SLC24A4: variants seen among roughly 807,000 people sequenced by gnomAD.
The protein encoded by SLC24A4 is sodium/potassium/calcium exchanger 4.
A neutral mutation model predicts 79.0 loss-of-function variants in SLC24A4; 53 were observed. The observed-to-expected ratio is 0.67, with a 90% confidence interval of 0.54 to 0.84. The LOEUF is 0.84. SLC24A4 is among the 40% of genes least tolerant of loss of function. The pLI, the probability that SLC24A4 is intolerant of heterozygous loss-of-function variation, is 0.00. For synonymous variants in SLC24A4, 323 were observed against 323.8 expected (o/e 1.00, Z 0.03); for missense variants, 731 against 822.0 (o/e 0.89, Z 1.35).
intron 12 of SLC24A4, among the ~76,000 whole-genome samples, chr14:92,465,793 G>A (rs1401340425): frequency 6.6e-6 from 1 of 151,974 alleles, no homozygotes; most frequent in Non-Finnish European, 1.5e-5. Context: ...TGCTGCCAGG[G>A]AGGCGTCTCT....
chr14:92,431,638 CA>C (rs777755422), intron 2 of SLC24A4, among the ~76,000 whole-genome samples: 2 of 152,214 alleles, frequency 1.3e-5, no homozygotes, highest in South Asian at 4.1e-4. Context: ...CATGCCAGGG[CA>C]TGCCGCACAT....
chr14:92,464,917 G>A (rs7401792), intron 12 of SLC24A4, among the ~76,000 whole-genome samples: 78,237 of 152,014 alleles, frequency 0.51, 22,587 homozygotes, highest in Non-Finnish European at 0.65. Context: ...GCGAAGGAGG[G>A]CAAGGCCCCA....
intron 2 of SLC24A4, among the ~76,000 whole-genome samples, chr14:92,411,558 C>T (rs1890715802): frequency 6.6e-6 from 1 of 152,216 alleles, no homozygotes; most frequent in Non-Finnish European, 1.5e-5. Context: ...TCGGCCAGAG[C>T]TGTCTTGGTT....
chr14:92,424,084 G>A (rs920395475), intron 2 of SLC24A4, among the ~76,000 whole-genome samples: 3 of 152,040 alleles, frequency 2.0e-5, no homozygotes, highest in Admixed American at 6.6e-5. Context: ...CCTTGTTCTC[G>A]GTATCTCTGT....
chr14:92,402,929 G>A (rs770028389), intron 2 of SLC24A4, among the ~76,000 whole-genome samples: 218 of 152,236 alleles, frequency 1.4e-3, no homozygotes, highest in Non-Finnish European at 2.4e-3. Flanking sequence ...TGAAATCTCA[G>A]TAGCTTCACC....
intron 11 of SLC24A4, among the ~76,000 whole-genome samples, chr14:92,455,794 G>A (rs140808886): frequency 3.3e-5 from 5 of 151,988 alleles, no homozygotes; most frequent in Non-Finnish European, 4.4e-5. Context: ...TCTGCCTCCC[G>A]GGTTCAAGCG....
At chr14:92,366,485 C>T (rs1476060666) in intron 2 of SLC24A4, among the ~76,000 whole-genome samples, 4 of 152,332 alleles carry the variant, frequency 2.6e-5, no homozygotes, top group South Asian at 2.1e-4. Context: ...GATGACCTTG[C>T]GTCCTGCAGC....
intron 12 of SLC24A4, among the ~76,000 whole-genome samples, chr14:92,474,423 T>C (rs994678248): frequency 5.9e-5 from 9 of 152,210 alleles, no homozygotes; most frequent in Admixed American, 4.6e-4. Flanking sequence ...ACAAGTGACT[T>C]TCTTCCAAGC....
rs557681287 is a variant in SLC24A4, at chr14:92,339,592, G to A, written c.241+13614G>A. 5.9e-5 allele frequency among the ~76,000 whole-genome samples: 9 copies of A among 152,352 alleles called. No homozygotes were observed. The East Asian group carries it at 1.4e-3, about 23-fold the overall frequency. On this transcript the variant is annotated intron_variant, in intron 2 of 16. Coordinates refer to ENST00000532405, the MANE Select transcript of SLC24A4 (RefSeq NM_153646.4). ...TGGGCAGCCTGGCTCCGGAGGCTTT[G>A]CCGGGGTAGGCGGAGGGTCCCCCTG...
intron 11 of SLC24A4, among the ~76,000 whole-genome samples, chr14:92,456,065 T>G (rs1212011565): frequency 6.6e-6 from 1 of 152,216 alleles, no homozygotes; most frequent in East Asian, 1.9e-4. Context: ...GCAGGGCCTT[T>G]CCTGTGGCCA....
chr14:92,346,759 T>C lies in SLC24A4; in HGVS notation c.241+20781T>C, dbSNP rs145038310. 9.6e-4 allele frequency among the ~76,000 whole-genome samples: 147 copies of C among 152,352 alleles called. 2 individuals carry two copies. The highest frequency in any genetic ancestry group is 3.1e-3 in the African/African-American group (128 of 41,592). ...CTTTTAAAAATGCTGATACTGAGGC[T>C]GTGACCCAGACAGATTAAATTGTAA... On this transcript the variant is annotated intron_variant, in intron 2 of 16. Transcript: ENST00000532405.
At chr14:92,457,163 G>C (rs530070373) in intron 12 of SLC24A4, 1 of 158,512 alleles carries the variant, frequency 6.3e-6, no homozygotes, top group Non-Finnish European at 1.4e-5. Flanking sequence ...ATCTCACTTG[G>C]AGTCTGACCT....
chr14:92,479,433 C>G (rs1191203030), intron 12 of SLC24A4, among the ~76,000 whole-genome samples: 1 of 152,066 alleles, frequency 6.6e-6, no homozygotes, highest in Non-Finnish European at 1.5e-5. Context: ...TGAATTTTGT[C>G]AAATGTCTTT....
intron 12 of SLC24A4, among the ~76,000 whole-genome samples, chr14:92,481,284 T>C (rs1483082165): frequency 5.3e-5 from 8 of 152,362 alleles, no homozygotes; most frequent in African/African-American, 1.9e-4. Flanking sequence ...ACTGTGGATG[T>C]CTCATTCCCC....
At chr14:92,455,137 AG>A (rs79512330) in intron 11 of SLC24A4, among the ~76,000 whole-genome samples, 10,334 of 152,280 alleles carry the variant, frequency 0.068, 466 homozygotes, top group East Asian at 0.14. Flanking sequence ...ACTACCTGGA[AG>A]GCAGCATGGA....
At chr14:92,333,150 C>A (rs138955286) in intron 2 of SLC24A4, among the ~76,000 whole-genome samples, 4 of 152,266 alleles carry the variant, frequency 2.6e-5, no homozygotes, top group Middle Eastern at 3.4e-3. Context: ...TTAGAGTGCG[C>A]TGGTGCGATC....
At chr14:92,462,125 T>G (rs910383014) in intron 12 of SLC24A4, 2 of 152,232 alleles carry the variant, frequency 1.3e-5, no homozygotes, top group African/African-American at 4.8e-5. Context: ...TTTTCCACTC[T>G]GTGCTTCCCA....
At chr14:92,339,636 G>A (rs933567565) in intron 2 of SLC24A4, among the ~76,000 whole-genome samples, 1 of 152,312 alleles carries the variant, frequency 6.6e-6, no homozygotes, top group African/African-American at 2.4e-5. Context: ...AACGGTGGGC[G>A]CGGGTGGGTA....
rs879682054 is a variant in SLC24A4, at chr14:92,441,879, G to A, written c.394-210G>A. The stretch of plus-strand genomic sequence containing the variant: ...CAGAAAGGAGATAGTTGGGGGTGGG[G>A]AAGGGGCTCTGAGTGGAATGCCTGG... On this transcript the variant is annotated intron_variant, in intron 4 of 16. Coordinates refer to ENST00000532405, the MANE Select transcript of SLC24A4 (RefSeq NM_153646.4). The surrounding 1 kb of genome is among the most constrained non-coding windows in gnomAD (Gnocchi z 4.6). Among the ~76,000 whole-genome samples the A allele has an allele frequency of 5.9e-5, 9 of 152,198 alleles. No individual in the cohort carries two copies. The highest frequency in any genetic ancestry group is 2.9e-5 in the Non-Finnish European group (2 of 68,040).
Sources: allele counts gnomAD v4.1 joint callset (sites outside exome capture counted in the v4.1 genomes callset), GRCh38; gene constraint gnomAD v4.1.1; non-coding constraint Gnocchi (gnomAD v3.1); transcripts MANE v1.5; gene names NCBI Gene and HGNC (gene_info 2026-07-23, HGNC 2026-07-21).